The following SPOCK1 variants were observed in gnomAD, a reference collection of about 807,000 sequenced individuals.
SPOCK1 encodes testican-1.
Under a neutral mutation model 55.3 loss-of-function variants are expected in SPOCK1, and 23 were observed. That is an observed-to-expected ratio of 0.42 (90% CI 0.30 to 0.59). SPOCK1 has a LOEUF of 0.59. Ranked by LOEUF, SPOCK1 falls within the 20% of genes least tolerant of loss-of-function variation. The pLI is 0.22. For missense variants in SPOCK1, 499 were observed against 552.5 expected (o/e 0.90, Z 0.97); for synonymous variants, 226 against 221.0 (o/e 1.02, Z -0.20).
At chr5:137,292,741 T>A (rs1757397789) in intron 2 of SPOCK1, among the ~76,000 whole-genome samples, 1 of 148,652 alleles carries the variant, frequency 6.7e-6, no homozygotes, top group South Asian at 2.2e-4. Context: ...TACCTGTAGA[T>A]ACACATCCTA....
chr5:137,001,648 C>T (rs1275821791), intron 6 of SPOCK1, among the ~76,000 whole-genome samples: 1 of 152,200 alleles, frequency 6.6e-6, no homozygotes. Context: ...TTGCTCTTCA[C>T]GCAAGCCCTT....
intron 6 of SPOCK1, among the ~76,000 whole-genome samples, chr5:137,051,999 A>G (rs986266824): frequency 2.6e-5 from 4 of 152,326 alleles, no homozygotes; most frequent in Middle Eastern, 6.8e-3. Context: ...TCAGACTGAG[A>G]TGGCCATTGA....
At chr5:137,223,705 C>T (rs1381182621) in intron 3 of SPOCK1, among the ~76,000 whole-genome samples, 1 of 151,964 alleles carries the variant, frequency 6.6e-6, no homozygotes, top group Non-Finnish European at 1.5e-5. Context: ...CAAAAAATTG[C>T]TCAAACATGT....
intron 3 of SPOCK1, among the ~76,000 whole-genome samples, chr5:137,253,638 C>A (rs1417768255): frequency 6.6e-6 from 1 of 152,190 alleles, no homozygotes; most frequent in East Asian, 1.9e-4. Context: ...CTTACATGTA[C>A]ACATCCCAGG....
intron 5 of SPOCK1, among the ~76,000 whole-genome samples, chr5:137,070,830 T>A (rs781415808): frequency 6.6e-6 from 1 of 152,078 alleles, no homozygotes; most frequent in Non-Finnish European, 1.5e-5. Flanking sequence ...CCCTCTCCTG[T>A]CCAGCCCTGG....
intron 3 of SPOCK1, 90 bp downstream of exon 3, chr5:137,266,920 C>T (rs1756866328): frequency 1.3e-5 from 15 of 1,160,156 alleles, no homozygotes; most frequent in Non-Finnish European, 1.9e-5. Context: ...CTAGCTGGCC[C>T]TTGTGGGAAC....
chr5:136,992,662 G>A lies in SPOCK1; in HGVS notation c.590-62C>T, dbSNP rs572410517. ...GGGCTTTCTGCCTTCTGTGTGCAGG[G>A]CTACTGGCAAAGCCACGTTCAAAGC... is the stretch of plus-strand genomic sequence containing the variant. On this transcript the variant is annotated intron_variant, in intron 6 of 10. Coordinates refer to ENST00000394945, the MANE Select transcript of SPOCK1 (RefSeq NM_004598.4). 62 of 1,353,546 alleles carry A rather than the reference G, an allele frequency of 4.6e-5. 1 individual carries two copies. The highest frequency in any genetic ancestry group is 3.7e-4 in the South Asian group (29 of 78,302). The allele number at this position is 1,353,546 out of a possible 1,614,324, so 83.8% of individuals were successfully genotyped here.
intron 2 of SPOCK1, among the ~76,000 whole-genome samples, chr5:137,370,955 C>T (rs974287411): frequency 6.6e-6 from 1 of 152,210 alleles, no homozygotes; most frequent in African/African-American, 2.4e-5. Context: ...CTGTGCTGCT[C>T]TCACAGCTGG....
chr5:137,091,629 G>A (rs948657438), intron 5 of SPOCK1, among the ~76,000 whole-genome samples: 11 of 152,170 alleles, frequency 7.2e-5, no homozygotes, highest in Admixed American at 2.0e-4. Flanking sequence ...AGCTTCAGCA[G>A]TTCAAATTTC....
At chr5:137,259,285 T>C (rs976317603) in intron 3 of SPOCK1, among the ~76,000 whole-genome samples, 4 of 152,126 alleles carry the variant, frequency 2.6e-5, no homozygotes, top group Admixed American at 6.5e-5. Context: ...GTGGCACATA[T>C]ACACCATGGA....
At chr5:137,025,046 C>T (rs1267448613) in intron 6 of SPOCK1, among the ~76,000 whole-genome samples, 1 of 152,092 alleles carries the variant, frequency 6.6e-6, no homozygotes, top group African/African-American at 2.4e-5. Context: ...TATGAGGTAT[C>T]AAAAACTGTC....
At position 137,220,052 on chromosome 5, in the gene SPOCK1, C is replaced by T. The variant is rs1755815062; in HGVS notation, c.232+46958G>A. On this transcript the variant is annotated intron_variant, in intron 3 of 10. Coordinates refer to ENST00000394945, the MANE Select transcript of SPOCK1 (RefSeq NM_004598.4). The stretch of plus-strand genomic sequence containing the variant: ...AAGAATAGCCCAGGGTATCTAGACA[C>T]CATGCCCTCCATCTAGTGGGGGTCA... 2.0e-5 allele frequency among the ~76,000 whole-genome samples: 3 copies of T among 152,176 alleles called. No individual in the cohort carries two copies. The South Asian group carries it at 6.2e-4, about 32-fold the overall frequency.
At position 137,435,502 on chromosome 5, in the gene SPOCK1, A is replaced by G. The variant is rs147089217; in HGVS notation, c.186+62871T>C. Among the ~76,000 whole-genome samples, 1,351 of 152,226 alleles carry G rather than the reference A, an allele frequency of 8.9e-3. 13 individuals are homozygous for G. The highest frequency in any genetic ancestry group is 0.03 in the African/African-American group (1,265 of 41,544). On this transcript the variant is annotated intron_variant, in intron 2 of 10. Transcript: ENST00000394945. ...TCTCTGTTTTACAGATTTTTGATAC[A>G]CTATTTTGTCTCCTGTTGTTTCCAC...
chr5:137,408,296 T>C (rs1752141616), intron 2 of SPOCK1, among the ~76,000 whole-genome samples: 1 of 151,942 alleles, frequency 6.6e-6, no homozygotes, highest in African/African-American at 2.4e-5. Flanking sequence ...GGATGGTGAG[T>C]GGTATGGTCT....
intron 6 of SPOCK1, among the ~76,000 whole-genome samples, chr5:137,059,650 C>T (rs1752360145): frequency 6.6e-6 from 1 of 152,076 alleles, no homozygotes; most frequent in South Asian, 2.1e-4. Context: ...AGTAAATAGA[C>T]ATCAACAGAG....
chr5:137,301,661 T>C (rs1269980133), intron 2 of SPOCK1, among the ~76,000 whole-genome samples: 1 of 139,294 alleles, frequency 7.2e-6, no homozygotes, highest in Non-Finnish European at 1.5e-5. Flanking sequence ...TTTTTGAGTA[T>C]GTTCTCATTT....
At chr5:136,999,511 C>T (rs376756452) in intron 6 of SPOCK1, among the ~76,000 whole-genome samples, 2 of 152,080 alleles carry the variant, frequency 1.3e-5, no homozygotes. Flanking sequence ...GAAATCCAAG[C>T]GTCTTTGAAA....
chr5:137,273,398 CATT>C, intron 2 of SPOCK1: 1 of 983,768 alleles, frequency 1.0e-6, no homozygotes, highest in Non-Finnish European at 1.2e-6. Flanking sequence ...AGTACGAAAG[CATT>C]ATAAATGAGA....
chr5:137,405,358 T>C (rs993504733), intron 2 of SPOCK1, among the ~76,000 whole-genome samples: 4 of 152,214 alleles, frequency 2.6e-5, no homozygotes, highest in Non-Finnish European at 5.9e-5. Flanking sequence ...CTGCAAGTTA[T>C]TAAGTCTCTG....
Sources: gnomAD v4.1 joint callset for allele counts (sites outside exome capture counted in the v4.1 genomes callset) on GRCh38, gnomAD v4.1.1 for gene constraint, MANE v1.5 for transcripts, NCBI Gene and HGNC (gene_info 2026-07-23, HGNC 2026-07-21) for gene names.